MTSS1: variants seen among roughly 807,000 people sequenced by gnomAD.
MTSS1 encodes the protein MTSS I-BAR domain containing 1, also known as protein MTSS 1.
Under a neutral mutation model 79.0 loss-of-function variants are expected in MTSS1, and 18 were observed. The ratio of observed to expected loss-of-function variants is 0.23; its 90% confidence interval spans 0.16 to 0.34. The LOEUF (loss-of-function observed/expected upper bound fraction) is 0.34, where lower values mean the gene tolerates loss of function less well. Ranked by LOEUF, MTSS1 falls within the 10% of genes least tolerant of loss-of-function variation. MTSS1 has a pLI of 1.00. For synonymous variants in MTSS1, 341 were observed against 368.6 expected (o/e 0.93, Z 0.86); for missense variants, 815 against 986.2 (o/e 0.83, Z 2.33).
chr8:124,727,936 T>C lies in MTSS1; in HGVS notation c.20A>G (p.Lys7Arg). The change falls in exon 1 of 14, where the codon AAG (lysine) becomes AGG (arginine). Residue 7 changes from lysine (K) to arginine (R), a missense_variant. By Grantham distance (26) the Lys-to-Arg change is conservative (BLOSUM62 2). Around this residue, in one of 2 missense-constraint regions of MTSS1, gnomAD observed 225 missense variants for 365.4 expected, o/e 0.62. Transcript: ENST00000518547. The surrounding 1 kb of genome is among the most constrained non-coding windows in gnomAD (Gnocchi z 4.7). The part of the protein sequence containing the change: MEAVIE[K>R]ECSALGGLFQ... The stretch of plus-strand genomic sequence containing the variant: ...GAGGCCTCCGAGCGCGCTGCATTCC[T>C]TCTCAATCACAGCCTCCATTTTCCC... 1 of 1,610,238 alleles carries C rather than the reference T, an allele frequency of 6.2e-7. No individual in the cohort carries two copies. The highest frequency in any genetic ancestry group is 2.3e-5 in the East Asian group (1 of 44,164).
intron 1 of MTSS1, among the ~76,000 whole-genome samples, chr8:124,724,959 C>T (rs1833476098): frequency 6.6e-6 from 1 of 152,160 alleles, no homozygotes; most frequent in Non-Finnish European, 1.5e-5. Flanking sequence ...CAACTCACAC[C>T]AGCCAATTTG....
At chr8:124,631,169 C>G (rs1238725177) in intron 3 of MTSS1, among the ~76,000 whole-genome samples, 1 of 152,158 alleles carries the variant, frequency 6.6e-6, no homozygotes, top group Non-Finnish European at 1.5e-5. Flanking sequence ...AAGGAATCAG[C>G]AGCTTTGGGA....
At chr8:124,707,695 G>A (rs1166124046) in intron 1 of MTSS1, among the ~76,000 whole-genome samples, 11 of 150,686 alleles carry the variant, frequency 7.3e-5, no homozygotes, top group African/African-American at 1.5e-4. Context: ...GCGAAAGAGC[G>A]AGACTCCATC....
chr8:124,625,900 C>T (rs530900466), intron 3 of MTSS1, among the ~76,000 whole-genome samples: 101 of 152,288 alleles, frequency 6.6e-4, no homozygotes, highest in Middle Eastern at 3.4e-3. Context: ...CATGCAAGGT[C>T]CCCACTGCCT....
chr8:124,708,625 A>G (rs1830714154), intron 1 of MTSS1, among the ~76,000 whole-genome samples: 1 of 152,136 alleles, frequency 6.6e-6, no homozygotes, highest in South Asian at 2.1e-4. Flanking sequence ...AAAGACGACT[A>G]CTCAAACCAC....
At position 124,553,130 on chromosome 8, in the gene MTSS1, G is replaced by T; in HGVS notation, c.2130C>A (p.Gly710=). 6.2e-7 allele frequency: 1 copy of T among 1,614,074 alleles called. No homozygotes were observed. The highest frequency in any genetic ancestry group is 1.1e-5 in the South Asian group (1 of 91,072). The part of the protein sequence containing the change: ...REPPSATVSP[G]QIPESDPADL... Reference sequence around the variant, plus strand: ...CTGCAGGGTCACTCTCTGGAATCTGGCCTGGGGAGACAGTGGCACTTGGGG... The same window carrying T: ...CTGCAGGGTCACTCTCTGGAATCTGTCCTGGGGAGACAGTGGCACTTGGGG... Residue 710 remains glycine, a synonymous_variant, in exon 14 of 14, where the codon GGC becomes GGA. Transcript: ENST00000518547. This position sits in a 1 kb window ranked among gnomAD's most constrained non-coding sequence, Gnocchi z 6.0.
intron 3 of MTSS1, among the ~76,000 whole-genome samples, chr8:124,682,055 A>G (rs1826209204): frequency 6.6e-6 from 1 of 152,232 alleles, no homozygotes; most frequent in Non-Finnish European, 1.5e-5. Flanking sequence ...AGGTTAAGGC[A>G]ACTTCCCAAA....
intron 3 of MTSS1, among the ~76,000 whole-genome samples, chr8:124,635,771 A>G (rs924989915): frequency 3.9e-5 from 6 of 151,916 alleles, no homozygotes; most frequent in African/African-American, 1.5e-4. Flanking sequence ...CAATTGCCCT[A>G]TTTGTAGATG....
chr8:124,692,445 A>C lies in MTSS1; in HGVS notation c.208+7081T>G, dbSNP rs72714767. The stretch of plus-strand genomic sequence containing the variant: ...TTACACGAAAGAGTTCTGGGCTTGA[A>C]CACCAAAGGCAATCCAGAAGTTAAA... On this transcript the variant is annotated intron_variant, in intron 3 of 13. Transcript: ENST00000518547. Among the ~76,000 whole-genome samples, 601 of 152,348 alleles carry C rather than the reference A, an allele frequency of 3.9e-3. 2 individuals are homozygous for C. Among genetic ancestry groups the C allele is most frequent in the Admixed American group, 6.5e-3 (100 of 15,304 alleles).
rs1404701239 is a variant in MTSS1 at position 124,582,713 on chromosome 8, G to T, written c.460+2374C>A. On this transcript the variant is annotated intron_variant, in intron 6 of 13. Transcript: ENST00000518547. This position sits in a 1 kb window ranked among gnomAD's most constrained non-coding sequence, Gnocchi z 4.8. ...ACACTTTTACAAACCGAGGGTCCGG[G>T]AATCTGCCACTTGAAGGAGATGAAA... Among the ~76,000 whole-genome samples, 1 of 152,196 alleles carries T rather than the reference G, an allele frequency of 6.6e-6. No homozygotes were observed. The highest frequency in any genetic ancestry group is 2.4e-5 in the African/African-American group (1 of 41,452).
chr8:124,680,425 G>C (rs1164187985), intron 3 of MTSS1, among the ~76,000 whole-genome samples: 1 of 152,220 alleles, frequency 6.6e-6, no homozygotes, highest in Non-Finnish European at 1.5e-5. Flanking sequence ...TCAGCTAACA[G>C]TGGCTAAGAA....
At chr8:124,701,939 G>A (rs1052818868) in intron 2 of MTSS1, among the ~76,000 whole-genome samples, 2 of 152,176 alleles carry the variant, frequency 1.3e-5, no homozygotes, top group Admixed American at 6.5e-5. Context: ...ATTGCTCTCA[G>A]CCCTGTACTA....
intron 3 of MTSS1, among the ~76,000 whole-genome samples, chr8:124,634,260 C>A (rs912553092): frequency 6.6e-6 from 1 of 151,168 alleles, no homozygotes; most frequent in African/African-American, 2.4e-5. Context: ...CAGGCGCACA[C>A]CATCATACCT....
intron 3 of MTSS1, among the ~76,000 whole-genome samples, chr8:124,689,273 C>T (rs562830429): frequency 3.7e-4 from 56 of 152,182 alleles, no homozygotes; most frequent in African/African-American, 1.3e-3. Context: ...ACAGAGGAGG[C>T]ATCTATGTGG....
rs1588028826 is a variant in MTSS1, at chr8:124,727,797, G to A, written c.72+87C>T. 7.4e-6 allele frequency: 9 copies of A among 1,218,402 alleles called. No individual in the cohort carries two copies. Among genetic ancestry groups the A allele is most frequent in the African/African-American group, 4.9e-5 (3 of 61,400 alleles). The allele number at this position is 1,218,402 out of a possible 1,614,324, so 75.5% of individuals were successfully genotyped here. A position where few individuals can be genotyped will look rare whatever the true frequency, so the allele number is the denominator to read the frequency against. On this transcript the variant is annotated intron_variant, in intron 1 of 13. Coordinates refer to ENST00000518547, the MANE Select transcript of MTSS1 (RefSeq NM_014751.6). The surrounding 1 kb of genome is among the most constrained non-coding windows in gnomAD (Gnocchi z 4.7). ...GGTGGCCACACTGCAGGGAAGGGCC[G>A]GGTGCCCGGCCCGGGGTGGAGGCGA...
intron 6 of MTSS1, among the ~76,000 whole-genome samples, chr8:124,573,387 C>T (rs1828265619): frequency 6.6e-6 from 1 of 152,246 alleles, no homozygotes; most frequent in Non-Finnish European, 1.5e-5. Context: ...TCTGAAATCC[C>T]TTATACTTAT....
chr8:124,591,965 T>C (rs1033769203), intron 3 of MTSS1, among the ~76,000 whole-genome samples: 1 of 140,224 alleles, frequency 7.1e-6, no homozygotes, highest in African/African-American at 2.7e-5. Flanking sequence ...ATTTTTTTTT[T>C]AGTAAAGACA....
intron 3 of MTSS1, among the ~76,000 whole-genome samples, chr8:124,674,168 T>A (rs1824841761): frequency 6.6e-6 from 1 of 152,120 alleles, no homozygotes; most frequent in African/African-American, 2.4e-5. Context: ...CCTCACTCGG[T>A]CGCCCAGGCT....
intron 10 of MTSS1, 73 bp from the exon 11 acceptor site, chr8:124,557,948 A>C (rs1824369710): frequency 1.6e-6 from 2 of 1,224,530 alleles, no homozygotes; most frequent in Non-Finnish European, 2.3e-6. Flanking sequence ...GAGATACAAA[A>C]TGGCATTGAC....
Sources: allele counts gnomAD v4.1 joint callset (sites outside exome capture counted in the v4.1 genomes callset), GRCh38; gene constraint gnomAD v4.1.1; regional missense constraint gnomAD v4.1.1; non-coding constraint Gnocchi (gnomAD v3.1); transcripts MANE v1.5; gene names NCBI Gene and HGNC (gene_info 2026-07-23, HGNC 2026-07-21).